Variants in ZNF365 observed in about 807,000 individuals in gnomAD.
ZNF365 encodes zinc finger protein 365.
ZNF365 carries 22 observed loss-of-function variants against 35.0 expected under a neutral mutation model. The observed-to-expected ratio is 0.63, with a 90% CI of 0.45 to 0.90. The LOEUF (loss-of-function observed/expected upper bound fraction) is 0.90, where lower values mean the gene tolerates loss of function less well. Among genes scored for constraint, ZNF365 ranks in the 40% least tolerant of loss-of-function variants. The pLI is 0.00. For synonymous variants in ZNF365, 188 were observed against 196.2 expected, an observed-to-expected ratio of 0.96 and a Z score of 0.35; for missense variants, 448 against 500.3, an observed-to-expected ratio of 0.90 and a Z score of 1.00.
chr10:62,414,536 A>G (rs1840042198), intron 3 of ZNF365, among the ~76,000 whole-genome samples: 1 of 152,098 alleles, frequency 6.6e-6, no homozygotes, highest in Non-Finnish European at 1.5e-5. Context: ...ACAAGTTTTC[A>G]GCTCCATTTC....
At chr10:62,409,200 G>C (rs1349214494) in intron 3 of ZNF365, among the ~76,000 whole-genome samples, 3 of 152,172 alleles carry the variant, frequency 2.0e-5, no homozygotes, top group Non-Finnish European at 4.4e-5. Context: ...ATAAAATCCT[G>C]TCTGGTGATG....
chr10:62,376,882 C>T lies in ZNF365; in HGVS notation c.689C>T (p.Ala230Val). Reference sequence around the variant, plus strand: ...GTGGACGTGGCCGTGGAAATGATAGCTGTACTGAGGCAACGCCTGACGGAA... The same window carrying T: ...GTGGACGTGGCCGTGGAAATGATAGTTGTACTGAGGCAACGCCTGACGGAA... ...RQVDVAVEMI[A>V]VLRQRLTESE... Residue 230 changes from alanine (A) to valine (V), a missense_variant, in exon 2 of 5, where the codon GCT becomes GTT. Ala to Val is a moderately conservative substitution (Grantham distance 64, BLOSUM62 0). Coordinates refer to ENST00000395254, the MANE Select transcript of ZNF365 (RefSeq NM_014951.3). The T allele has an allele frequency of 6.2e-7, 1 of 1,614,142 alleles. No individual in the cohort carries two copies. The highest frequency in any genetic ancestry group is 8.5e-7 in the Non-Finnish European group (1 of 1,180,034).
At chr10:62,476,497 G>A (rs560066129) in intron 4 of ZNF365, among the ~76,000 whole-genome samples, 106 of 152,350 alleles carry the variant, frequency 7.0e-4, no homozygotes, top group Non-Finnish European at 1.3e-3. Context: ...GAAATTTACT[G>A]TACATGTATT....
intron 3 of ZNF365, among the ~76,000 whole-genome samples, chr10:62,444,110 A>G (rs192722804): frequency 1.3e-5 from 2 of 152,312 alleles, no homozygotes; most frequent in East Asian, 3.9e-4. Context: ...TCCAGGAAGC[A>G]TCAGCCATTT....
At position 62,388,543 on chromosome 10, in the gene ZNF365, C is replaced by T; in HGVS notation, c.891C>T (p.Ala297=). ...TTGAGTACTATCAGAGCCAGCAGGCCTCTGGCTTTGTCCGTGATCTCAGCG... is the reference window on the plus strand; with the variant it reads ...TTGAGTACTATCAGAGCCAGCAGGCTTCTGGCTTTGTCCGTGATCTCAGCG... ...KQLEYYQSQQ[A]SGFVRDLSGH... The change falls in exon 3 of 5, where the codon GCC becomes GCT. Residue 297 remains alanine, a synonymous_variant. Transcript: ENST00000395254. 1 of 1,614,134 alleles carries T rather than the reference C, an allele frequency of 6.2e-7. No individual in the cohort carries two copies.
chr10:62,427,037 A>T (rs915831155), intron 3 of ZNF365, among the ~76,000 whole-genome samples: 6 of 152,252 alleles, frequency 3.9e-5, no homozygotes, highest in African/African-American at 1.4e-4. Context: ...TAAGGTTATA[A>T]TGGAGCATAA....
intron 3 of ZNF365, among the ~76,000 whole-genome samples, chr10:62,450,723 A>G (rs1269043851): frequency 6.6e-6 from 1 of 152,242 alleles, no homozygotes; most frequent in Non-Finnish European, 1.5e-5. Flanking sequence ...GAAACAGGTG[A>G]CCAGCTGATA....
At chr10:62,446,040 C>T (rs570149175) in intron 3 of ZNF365, among the ~76,000 whole-genome samples, 127 of 152,276 alleles carry the variant, frequency 8.3e-4, no homozygotes, top group Non-Finnish European at 1.6e-3. Flanking sequence ...CACATAGACA[C>T]AATTTGTGAC....
chr10:62,390,162 T>G (rs575395854), intron 3 of ZNF365, among the ~76,000 whole-genome samples: 1 of 152,300 alleles, frequency 6.6e-6, no homozygotes, highest in South Asian at 2.1e-4. Context: ...CTGGGCAAGA[T>G]AGTTAGTCTT....
At chr10:62,428,070 T>C (rs1271372231) in intron 3 of ZNF365, among the ~76,000 whole-genome samples, 1 of 152,174 alleles carries the variant, frequency 6.6e-6, no homozygotes, top group African/African-American at 2.4e-5. Context: ...ATTTTTTACC[T>C]TGCTTGCTAT....
chr10:62,388,111 CT>C (rs1476557488), intron 2 of ZNF365, among the ~76,000 whole-genome samples: 1 of 152,206 alleles, frequency 6.6e-6, no homozygotes, highest in Non-Finnish European at 1.5e-5. Context: ...TTATTCACTC[CT>C]TTCCTTCCTC....
Position 62,376,647 on chromosome 10 carries a change from G to C in ZNF365, c.454G>C (p.Asp152His). 1.2e-6 allele frequency: 2 copies of C among 1,614,152 alleles called. No homozygotes were observed. Among genetic ancestry groups the C allele is most frequent in the Non-Finnish European group, 1.7e-6 (2 of 1,180,042 alleles). Residue 152 changes from aspartate to histidine, a missense_variant, in exon 2 of 5, where the codon GAC (aspartate) becomes CAC (histidine). This residue lies in a region of ZNF365 where 362 missense variants were observed against 375.7 expected (regional missense o/e 0.96). Transcript: ENST00000395254. ...TRSGPGLPTS[D>H]TKASFEAHVR... ...GTCGGGTCCTGGACTGCCCACCTCAGACACCAAAGCTTCTTTCGAGGCACA... is the reference window on the plus strand; with the variant it reads ...GTCGGGTCCTGGACTGCCCACCTCACACACCAAAGCTTCTTTCGAGGCACA...
At chr10:62,383,224 A>T (rs1839470654) in intron 2 of ZNF365, among the ~76,000 whole-genome samples, 1 of 152,174 alleles carries the variant, frequency 6.6e-6, no homozygotes. Flanking sequence ...GTACTTGCAG[A>T]CAGTGAAGGA....
intron 4 of ZNF365, 42 bp downstream of exon 4, chr10:62,398,819 G>A (rs1264842006): frequency 3.8e-6 from 6 of 1,559,340 alleles, no homozygotes; most frequent in Non-Finnish European, 5.2e-6. Context: ...GATAATGTTT[G>A]TATTGTATGT....
chr10:62,457,401 T>C (rs1456448962), intron 3 of ZNF365, among the ~76,000 whole-genome samples: 1 of 152,252 alleles, frequency 6.6e-6, no homozygotes, highest in African/African-American at 2.4e-5. Flanking sequence ...GCATAGGTTG[T>C]ACACTTTGGC....
At chr10:62,383,412 G>A (rs995821685) in intron 2 of ZNF365, among the ~76,000 whole-genome samples, 41 of 152,334 alleles carry the variant, frequency 2.7e-4, no homozygotes, top group Admixed American at 9.8e-4. Flanking sequence ...TGAGGTTAGA[G>A]GAATAGTTAA....
intron 4 of ZNF365, among the ~76,000 whole-genome samples, chr10:62,460,235 G>A (rs1840825741): frequency 6.6e-6 from 1 of 152,096 alleles, no homozygotes. Context: ...AATAATTATT[G>A]AGTACTTGTC....
intron 3 of ZNF365, among the ~76,000 whole-genome samples, chr10:62,426,718 C>T (rs1466815382): frequency 1.3e-5 from 2 of 152,014 alleles, no homozygotes; most frequent in African/African-American, 4.8e-5. Context: ...GAGTTTGAAT[C>T]ATTTCATGGG....
chr10:62,421,430 A>G (rs1840166606), intron 3 of ZNF365, among the ~76,000 whole-genome samples: 1 of 152,192 alleles, frequency 6.6e-6, no homozygotes. Context: ...CAAATTCCTC[A>G]GGACCATGAA....
Sources: gnomAD v4.1 joint callset for allele counts (sites outside exome capture counted in the v4.1 genomes callset) on GRCh38, gnomAD v4.1.1 for gene constraint, gnomAD v4.1.1 regional missense constraint, MANE v1.5 for transcripts, NCBI Gene and HGNC (gene_info 2026-07-23, HGNC 2026-07-21) for gene names.